GRAMD1B: variants seen among roughly 807,000 people sequenced by gnomAD.
GRAMD1B encodes the protein GRAM domain containing 1B, also known as protein Aster-B.
A neutral mutation model predicts 99.7 loss-of-function variants in GRAMD1B; 37 were observed. The ratio of observed to expected loss-of-function variants is 0.37; its 90% confidence interval spans 0.29 to 0.49. The LOEUF (loss-of-function observed/expected upper bound fraction) is 0.49, where lower values mean the gene tolerates loss of function less well. Among genes scored for constraint, GRAMD1B ranks in the 20% least tolerant of loss-of-function variants. The pLI, the probability that GRAMD1B is intolerant of heterozygous loss-of-function variation, is 0.98. For missense variants in GRAMD1B, 888 were observed against 1,009.2 expected, an observed-to-expected ratio of 0.88 and a Z score of 1.63; for synonymous variants, 427 against 387.6, an observed-to-expected ratio of 1.10 and a Z score of -1.19.
chr11:123,427,695 G>C (rs933385886), upstream of GRAMD1B, among the ~76,000 whole-genome samples: 2 of 152,190 alleles, frequency 1.3e-5, no homozygotes, highest in Non-Finnish European at 2.9e-5. Context: ...AAAAAAAGAA[G>C]GGACTGCAGG....
chr11:123,373,288 G>A lies in GRAMD1B; in HGVS notation c.-176+14489G>A, dbSNP rs1298553623. 2.6e-5 allele frequency among the ~76,000 whole-genome samples: 4 copies of A among 152,290 alleles called. No homozygotes were observed. The East Asian group carries it at 7.7e-4, about 29-fold the overall frequency. ...CTGGTCTTACAGCTGGAGGGTGTGGGGGTGTAGATGAGATTTAGATAGCAC... is the reference window on the plus strand; with the variant it reads ...CTGGTCTTACAGCTGGAGGGTGTGGAGGTGTAGATGAGATTTAGATAGCAC... On this transcript the variant is annotated intron_variant, in intron 1 of 20. Coordinates refer to the GRAMD1B transcript ENST00000638157.
At chr11:123,588,401 A>G (rs1039526658) in intron 4 of GRAMD1B, among the ~76,000 whole-genome samples, 5 of 152,026 alleles carry the variant, frequency 3.3e-5, no homozygotes, top group Admixed American at 1.3e-4. Flanking sequence ...TACGGGACTC[A>G]TCTCCCAGGG....
At chr11:123,382,770 CAGCAAAGGATAAATGG>C (rs965490088) in intron 1 of GRAMD1B, among the ~76,000 whole-genome samples, 6 of 152,106 alleles carry the variant, frequency 3.9e-5, no homozygotes, top group South Asian at 4.1e-4. Flanking sequence ...TAAGGGATAT[CAGCAAAGGATAAATGG>C]AGCAAAGGAT....
chr11:123,413,276 C>T (rs1948115460), intron 1 of GRAMD1B, among the ~76,000 whole-genome samples: 1 of 152,188 alleles, frequency 6.6e-6, no homozygotes, highest in African/African-American at 2.4e-5. Flanking sequence ...CCCTGCCTTC[C>T]CTCTTATCAT....
intron 1 of GRAMD1B, among the ~76,000 whole-genome samples, chr11:123,457,141 T>TAGAA (rs1383562713): frequency 1.4e-5 from 1 of 68,968 alleles, no homozygotes; most frequent in Non-Finnish European, 3.1e-5. Flanking sequence ...AAGAAAGAAT[T>TAGAA]AGAACAGTTT....
chr11:123,463,086 G>A (rs942804177), intron 1 of GRAMD1B, among the ~76,000 whole-genome samples: 4 of 151,984 alleles, frequency 2.6e-5, no homozygotes, highest in East Asian at 1.9e-4. Context: ...TCGGCTCACC[G>A]CAACCCCTGC....
intron 4 of GRAMD1B, among the ~76,000 whole-genome samples, chr11:123,586,018 C>T (rs577944451): frequency 4.6e-5 from 7 of 152,260 alleles, no homozygotes; most frequent in South Asian, 4.2e-4. Flanking sequence ...TCCATTCTCC[C>T]GGCTAGGTTT....
rs186074230 is a variant in GRAMD1B at position 123,402,814 on chromosome 11, A to G, written c.-176+44015A>G. On this transcript the variant is annotated intron_variant, in intron 1 of 20. Transcript: ENST00000638157. The stretch of plus-strand genomic sequence containing the variant: ...TCGCTCTCTCTCTTTTATTATTATT[A>G]TTATTTATTATAGTTTACACTGTTG... Among the ~76,000 whole-genome samples the G allele has an allele frequency of 1.7e-3, 265 of 152,134 alleles. 3 individuals carry two copies. The highest frequency in any genetic ancestry group is 6.1e-3 in the African/African-American group (254 of 41,486).
chr11:123,483,617 G>A (rs1458667169), intron 2 of GRAMD1B, among the ~76,000 whole-genome samples: 3 of 151,940 alleles, frequency 2.0e-5, no homozygotes, highest in Non-Finnish European at 4.4e-5. Flanking sequence ...CAACTCCTGA[G>A]GTCAAGTGAC....
intron 2 of GRAMD1B, among the ~76,000 whole-genome samples, chr11:123,481,998 G>T (rs1397006795): frequency 2.6e-5 from 4 of 152,260 alleles, no homozygotes; most frequent in Non-Finnish European, 5.9e-5. Flanking sequence ...CACCAAGGAT[G>T]ATAGAATCAA....
At chr11:123,605,514 C>A in intron 10 of GRAMD1B, 36 bp downstream of exon 10, 1 of 1,558,944 alleles carries the variant, frequency 6.4e-7, no homozygotes. Context: ...TACCCCCAGT[C>A]CTGTGGCCAG....
intron 2 of GRAMD1B, among the ~76,000 whole-genome samples, chr11:123,533,707 G>T (rs543341468): frequency 6.6e-6 from 1 of 152,190 alleles, no homozygotes; most frequent in Non-Finnish European, 1.5e-5. Flanking sequence ...GTTTACTGGC[G>T]TGAGCCACTG....
chr11:123,491,998 C>G, intron 2 of GRAMD1B: 1 of 398,876 alleles, frequency 2.5e-6, no homozygotes, highest in Non-Finnish European at 4.4e-6. Context: ...TTTGGGATTG[C>G]CTGGGTTGGC....
intron 7 of GRAMD1B, chr11:123,598,931 A>G (rs1951615638): frequency 1.8e-6 from 2 of 1,114,248 alleles, no homozygotes; most frequent in African/African-American, 1.5e-5. Context: ...TCCTGTCTTT[A>G]GGAATGTCAA....
intron 1 of GRAMD1B, among the ~76,000 whole-genome samples, chr11:123,439,545 C>T (rs529206507): frequency 6.6e-6 from 1 of 152,240 alleles, no homozygotes; most frequent in African/African-American, 2.4e-5. Flanking sequence ...CTTTGAGGCC[C>T]TAACACATTG....
At chr11:123,583,042 G>GTA (rs1031944251) in intron 3 of GRAMD1B, among the ~76,000 whole-genome samples, 6 of 151,860 alleles carry the variant, frequency 4.0e-5, no homozygotes, top group South Asian at 4.2e-4. Context: ...ATGTATGTGT[G>GTA]TATATATGTG....
intron 2 of GRAMD1B, among the ~76,000 whole-genome samples, chr11:123,483,036 G>GAA (rs67195021): frequency 1.4e-5 from 2 of 142,704 alleles, no homozygotes; most frequent in Admixed American, 6.9e-5. Context: ...AGATTGGGTG[G>GAA]AAAAAAAAAA....
chr11:123,597,893 A>C (rs1481233711), intron 7 of GRAMD1B: 10 of 852,056 alleles, frequency 1.2e-5, no homozygotes, highest in African/African-American at 6.6e-5. Context: ...GAACAAGCAG[A>C]TCTCAGGGAA....
intron 7 of GRAMD1B, among the ~76,000 whole-genome samples, chr11:123,597,256 CTTTTTTTTTTTTTTT>C (rs71060518): frequency 2.6e-4 from 20 of 76,546 alleles, no homozygotes; most frequent in African/African-American, 8.1e-4. Context: ...GCCACTATGC[CTTTTTTTTTTTTTTT>C]TTTTTTTTTT....
Sources: gnomAD v4.1 joint callset for allele counts (sites outside exome capture counted in the v4.1 genomes callset) on GRCh38, gnomAD v4.1.1 for gene constraint, MANE v1.5 for transcripts, NCBI Gene and HGNC (gene_info 2026-07-23, HGNC 2026-07-21) for gene names.